FNIP1: variants seen among roughly 807,000 people sequenced by gnomAD.
The protein encoded by FNIP1 is folliculin-interacting protein 1.
A neutral mutation model predicts 124.5 loss-of-function variants in FNIP1; 40 were observed. The observed-to-expected ratio is 0.32, with a 90% CI of 0.25 to 0.42. The LOEUF (loss-of-function observed/expected upper bound fraction) is 0.42, where lower values mean the gene tolerates loss of function less well. FNIP1 is among the 10% of genes least tolerant of loss of function. The pLI is 1.00. For synonymous variants in FNIP1, 472 were observed against 470.6 expected (o/e 1.00, Z -0.04); for missense variants, 1,176 against 1,403.7 (o/e 0.84, Z 2.59).
intron 6 of FNIP1, among the ~76,000 whole-genome samples, chr5:131,716,103 C>A (rs1410311686): frequency 3.9e-5 from 6 of 152,144 alleles, no homozygotes; most frequent in Admixed American, 1.3e-4. Context: ...TCTAATAAAT[C>A]TTTTAAGAAA....
At chr5:131,663,257 C>T (rs1018523873) in intron 15 of FNIP1, among the ~76,000 whole-genome samples, 5 of 152,138 alleles carry the variant, frequency 3.3e-5, no homozygotes, top group African/African-American at 2.4e-5. Context: ...AGTTAGAAAT[C>T]GACTTAATTA....
intron 16 of FNIP1, among the ~76,000 whole-genome samples, chr5:131,649,076 G>A (rs1304049656): frequency 6.6e-6 from 1 of 152,126 alleles, no homozygotes; most frequent in Non-Finnish European, 1.5e-5. Context: ...GGATGCTTGG[G>A]TTATTTCTAA....
At chr5:131,772,808 C>T (rs1771684976) in intron 1 of FNIP1, among the ~76,000 whole-genome samples, 1 of 152,174 alleles carries the variant, frequency 6.6e-6, no homozygotes, top group African/African-American at 2.4e-5. Flanking sequence ...GTAATAACTG[C>T]AACAGTGCTT....
At chr5:131,715,341 C>G (rs1467426859) in intron 6 of FNIP1, among the ~76,000 whole-genome samples, 1 of 152,066 alleles carries the variant, frequency 6.6e-6, no homozygotes, top group Non-Finnish European at 1.5e-5. Context: ...CAAAAATCAG[C>G]CGGGTGTGAT....
At chr5:131,755,659 A>G (rs1015308802) in intron 1 of FNIP1, among the ~76,000 whole-genome samples, 9 of 152,172 alleles carry the variant, frequency 5.9e-5, no homozygotes, top group African/African-American at 2.2e-4. Context: ...GAAGATCAGT[A>G]AAGACAGACT....
At chr5:131,646,865 T>A (rs1352404466) in intron 17 of FNIP1, among the ~76,000 whole-genome samples, 1 of 152,208 alleles carries the variant, frequency 6.6e-6, no homozygotes, top group Non-Finnish European at 1.5e-5. Context: ...TCACTGTGAT[T>A]ATATTCTCAA....
At chr5:131,775,729 T>C (rs932460366) in intron 1 of FNIP1, among the ~76,000 whole-genome samples, 6 of 151,972 alleles carry the variant, frequency 3.9e-5, no homozygotes, top group African/African-American at 1.4e-4. Flanking sequence ...GGTTTCACCA[T>C]GTTAGCCAGG....
At chr5:131,727,167 C>CT (rs903691934) in intron 3 of FNIP1, among the ~76,000 whole-genome samples, 3 of 152,064 alleles carry the variant, frequency 2.0e-5, no homozygotes, top group Non-Finnish European at 4.4e-5. Context: ...ATTAGGTCTG[C>CT]TTGGTCCAGA....
chr5:131,693,319 C>CACATATATATATATAT lies in FNIP1; in HGVS notation c.1202+5597_1202+5598insATATATATATATATGT. 1.4e-4 allele frequency among the ~76,000 whole-genome samples: 6 copies of CACATATATATATATAT among 41,612 alleles called. 1 individual carries two copies. The South Asian group carries it at 5.0e-3, about 34-fold the overall frequency. The allele number at this position is 41,612 out of a possible 152,430, so 27.3% of individuals were successfully genotyped here. A position where few individuals can be genotyped will look rare whatever the true frequency, so the allele number is the denominator to read the frequency against. On this transcript the variant is annotated intron_variant, in intron 11 of 17. Transcript: ENST00000510461. Reference sequence around the variant, plus strand: ...ATACATATATATATATATATATACACATATATATATATACATATATATATA... The same window carrying CACATATATATATATAT: ...ATACATATATATATATATATATACACACATATATATATATATATATATATATATACATATATATATA...
intron 14 of FNIP1, 57 bp from the exon 15 acceptor site, chr5:131,670,688 T>TAAAAAA: frequency 2.1e-6 from 2 of 966,954 alleles, no homozygotes; most frequent in Non-Finnish European, 2.8e-6. Context: ...ATTTAACCAG[T>TAAAAAA]AAAAAAAAAA....
chr5:131,712,017 A>G (rs904490550), intron 6 of FNIP1, among the ~76,000 whole-genome samples: 1 of 152,164 alleles, frequency 6.6e-6, no homozygotes, highest in African/African-American at 2.4e-5. Flanking sequence ...ATGCACATGC[A>G]TATATGCACA....
At chr5:131,766,343 G>A (rs951756226) in intron 1 of FNIP1, among the ~76,000 whole-genome samples, 3 of 152,004 alleles carry the variant, frequency 2.0e-5, no homozygotes, top group Non-Finnish European at 4.4e-5. Flanking sequence ...CAGCTGGCCT[G>A]TAGTTTTTAA....
At chr5:131,792,077 TTAAAA>T (rs1772424300) in intron 1 of FNIP1, among the ~76,000 whole-genome samples, 1 of 152,212 alleles carries the variant, frequency 6.6e-6, no homozygotes, top group Non-Finnish European at 1.5e-5. Flanking sequence ...CTCTGAATCC[TTAAAA>T]TAAACCTGTT....
intron 11 of FNIP1, among the ~76,000 whole-genome samples, chr5:131,691,087 A>C (rs985764019): frequency 1.3e-5 from 2 of 152,204 alleles, no homozygotes; most frequent in African/African-American, 2.4e-5. Flanking sequence ...AACATTTGCC[A>C]AAATGGACCA....
chr5:131,695,460 A>G (rs1768662133), intron 11 of FNIP1, among the ~76,000 whole-genome samples: 1 of 152,238 alleles, frequency 6.6e-6, no homozygotes. Context: ...ATATTCCAGA[A>G]GAAAAGAAAG....
At position 131,740,376 on chromosome 5, in the gene FNIP1, G is replaced by A. The variant is rs147513707; in HGVS notation, c.219+4188C>T. ...CTCAACTATTCAATTAGCACTGTAC[G>A]ATGCTTCGGAGTGTTTCTCATGTCT... On this transcript the variant is annotated intron_variant, in intron 2 of 17. Coordinates refer to ENST00000510461, the MANE Select transcript of FNIP1 (RefSeq NM_133372.3). 9.2e-5 allele frequency among the ~76,000 whole-genome samples: 14 copies of A among 152,252 alleles called. No individual in the cohort carries two copies. In the East Asian group the frequency reaches 2.1e-3, roughly 23 times the overall value.
At chr5:131,684,477 T>C (rs1052691030) in intron 11 of FNIP1, among the ~76,000 whole-genome samples, 3 of 152,140 alleles carry the variant, frequency 2.0e-5, no homozygotes, top group African/African-American at 7.2e-5. Flanking sequence ...AATATCCCTT[T>C]CATATTTGCA....
chr5:131,703,819 G>A (rs1214592272), intron 10 of FNIP1, among the ~76,000 whole-genome samples: 1 of 152,130 alleles, frequency 6.6e-6, no homozygotes, highest in Non-Finnish European at 1.5e-5. Flanking sequence ...TTAGTTGGTA[G>A]AACGGTGTCT....
intron 15 of FNIP1, among the ~76,000 whole-genome samples, chr5:131,657,698 G>A (rs985727314): frequency 7.0e-5 from 8 of 115,070 alleles, no homozygotes; most frequent in Non-Finnish European, 9.9e-5. Flanking sequence ...TAACAACAGA[G>A]CCCATCAAGG....
Sources: allele counts gnomAD v4.1 joint callset (sites outside exome capture counted in the v4.1 genomes callset), GRCh38; gene constraint gnomAD v4.1.1; transcripts MANE v1.5; gene names NCBI Gene and HGNC (gene_info 2026-07-23, HGNC 2026-07-21).